ADGRV1: variants seen among roughly 807,000 people sequenced by gnomAD.
ADGRV1 encodes the protein G-protein coupled receptor 98.
In ADGRV1, 359 loss-of-function variants were observed where a neutral mutation model predicts 596.2. That is an observed-to-expected ratio of 0.60 (90% confidence interval 0.55 to 0.66). The LOEUF (loss-of-function observed/expected upper bound fraction) is 0.66. Ranked by LOEUF, ADGRV1 falls within the 30% of genes least tolerant of loss-of-function variation. The probability of loss-of-function intolerance (pLI) is 0.00; values close to 1 mark genes in which losing one functional copy is unlikely to be tolerated. For synonymous variants in ADGRV1, 2,681 were observed against 2,679.2 expected (o/e 1.00, Z -0.02); for missense variants, 7,274 against 7,575.6 (o/e 0.96, Z 1.48).
chr5:90,906,255 A>G (rs1478290416), intron 83 of ADGRV1, among the ~76,000 whole-genome samples: 1 of 152,008 alleles, frequency 6.6e-6, no homozygotes, highest in African/African-American at 2.4e-5. Context: ...ATGAGTTTGG[A>G]AGTATTCCCT....
chr5:91,163,963 C>T lies in ADGRV1; in HGVS notation c.*63C>T. 1.3e-6 allele frequency: 1 copy of T among 784,802 alleles called. No homozygotes were observed. Among genetic ancestry groups the T allele is most frequent in the Non-Finnish European group, 2.2e-6 (1 of 447,630 alleles). 48.6% of individuals were successfully genotyped at this position (784,802 alleles called of 1,614,324 possible). A position where few individuals can be genotyped will look rare whatever the true frequency, so the allele number is the denominator to read the frequency against. On this transcript the variant is annotated 3_prime_UTR_variant, in exon 90 of 90. Coordinates refer to ENST00000405460, the MANE Select transcript of ADGRV1 (RefSeq NM_032119.4). ...TTGTATCAGCTTTTGTGCTAAAACT[C>T]TCTAAGTACATCCACCTGTGTAATA...
At chr5:90,737,008 T>G (rs1753322315) in intron 50 of ADGRV1, among the ~76,000 whole-genome samples, 1 of 151,862 alleles carries the variant, frequency 6.6e-6, no homozygotes, top group South Asian at 2.1e-4. Context: ...TTGGGCTTAG[T>G]TTGTTCTTTT....
chr5:90,950,505 A>G (rs960428645), intron 83 of ADGRV1, among the ~76,000 whole-genome samples: 1 of 152,090 alleles, frequency 6.6e-6, no homozygotes, highest in Non-Finnish European at 1.5e-5. Flanking sequence ...TATTTTGAGT[A>G]GAGACAGGAT....
intron 1 of ADGRV1, among the ~76,000 whole-genome samples, chr5:90,572,153 C>T (rs1756609365): frequency 6.6e-6 from 1 of 152,016 alleles, no homozygotes; most frequent in Non-Finnish European, 1.5e-5. Context: ...GAAGACTATT[C>T]TGTTGGTAAT....
At position 90,592,113 on chromosome 5, in the gene ADGRV1, G is replaced by A. The variant is rs117997199; in HGVS notation, c.23-22722G>A. On this transcript the variant is annotated intron_variant, in intron 1 of 89. Transcript: ENST00000405460. ...ATTTGATCCAGCAGTCCCACTCCTGGGTATCAACCCAGAGGAAAAGAAGTC... is the reference window on the plus strand; with the variant it reads ...ATTTGATCCAGCAGTCCCACTCCTGAGTATCAACCCAGAGGAAAAGAAGTC... Among the ~76,000 whole-genome samples the A allele has an allele frequency of 2.6e-3, 393 of 152,292 alleles. 16 individuals are homozygous for A. In the East Asian group the frequency reaches 0.065, roughly 25 times the overall value.
At chr5:90,909,091 A>G (rs1285075915) in intron 83 of ADGRV1, among the ~76,000 whole-genome samples, 2 of 152,132 alleles carry the variant, frequency 1.3e-5, no homozygotes, top group Non-Finnish European at 2.9e-5. Flanking sequence ...TTCTCTGGAC[A>G]GTGTTCTTTG....
intron 87 of ADGRV1, 60 bp downstream of exon 87, chr5:91,102,400 G>A: frequency 7.0e-7 from 1 of 1,434,658 alleles, no homozygotes; most frequent in African/African-American, 1.4e-5. Flanking sequence ...ACAAGGCATA[G>A]AATTTCAATA....
chr5:90,679,406 A>T, intron 25 of ADGRV1, 143 bp from the exon 26 acceptor site: 1 of 539,182 alleles, frequency 1.9e-6, no homozygotes, highest in Admixed American at 3.4e-5. Context: ...ATTTAAAATG[A>T]TCCATTTCTT....
chr5:90,823,359 A>G (rs1763771719), intron 75 of ADGRV1, 66 bp from the exon 76 acceptor site: 2 of 1,488,180 alleles, frequency 1.3e-6, no homozygotes, highest in South Asian at 1.2e-5. Flanking sequence ...ATTATTTGAT[A>G]ATAAACTCTA....
chr5:91,034,098 T>C (rs1452625096), intron 85 of ADGRV1, among the ~76,000 whole-genome samples: 1 of 152,160 alleles, frequency 6.6e-6, no homozygotes, highest in Non-Finnish European at 1.5e-5. Context: ...AGATACTAAA[T>C]TTTAAAAAAT....
intron 85 of ADGRV1, among the ~76,000 whole-genome samples, chr5:90,995,777 C>T (rs1343191116): frequency 2.6e-5 from 4 of 152,128 alleles, no homozygotes; most frequent in Non-Finnish European, 5.9e-5. Flanking sequence ...CTGAGGTGGC[C>T]TCAGATGGAG....
At chr5:90,820,581 T>G (rs2150282228) in intron 75 of ADGRV1, among the ~76,000 whole-genome samples, 1 of 152,062 alleles carries the variant, frequency 6.6e-6, no homozygotes, top group African/African-American at 2.4e-5. Context: ...GTTTAGTGCT[T>G]GCTTCAGGAG....
intron 1 of ADGRV1, among the ~76,000 whole-genome samples, chr5:90,564,417 CTTAGA>C (rs749356063): frequency 5.3e-5 from 8 of 151,972 alleles, no homozygotes; most frequent in African/African-American, 1.2e-4. Context: ...CTGGGACTAG[CTTAGA>C]TTAAAGGTGC....
In ADGRV1 at chr5:90,694,352, A is replaced by T. The variant is rs1449582072; in HGVS notation, c.7596A>T (p.Pro2532=). The T allele has an allele frequency of 6.2e-7, 1 of 1,614,010 alleles. No homozygotes were observed. The highest frequency in any genetic ancestry group is 2.2e-5 in the East Asian group (1 of 44,882). Residue 2532 remains proline, a synonymous_variant, in exon 33 of 90, where the codon CCA becomes CCT. Coordinates refer to ENST00000405460, the MANE Select transcript of ADGRV1 (RefSeq NM_032119.4). ...LTVSILPDDF[P]EMDESFLISL... ...TGTCTATTCTTCCTGATGATTTCCCAGAGATGGATGAGAGTTTTCTAATTT... is the reference window on the plus strand; with the variant it reads ...TGTCTATTCTTCCTGATGATTTCCCTGAGATGGATGAGAGTTTTCTAATTT...
Position 90,653,742 on chromosome 5 carries a change from A to C in ADGRV1, c.4168A>C (p.Asn1390His). ...SIYYGVKIQT[N>H]ESHVTLSLHY... is the part of the protein sequence containing the mutation. ...CTACTACGGGGTAAAAATACAAACA[A>C]ACGAATCCCATGTGACACTTTCCCT... The change falls in exon 20 of 90, where the codon AAC becomes CAC. Residue 1390 changes from asparagine (N) to histidine (H), a missense_variant. By Grantham distance (68) the Asn-to-His change is moderately conservative. This residue lies in a region of ADGRV1 where 1,715 missense variants were observed against 1,708.8 expected (regional missense o/e 1.00). Coordinates refer to ENST00000405460, the MANE Select transcript of ADGRV1 (RefSeq NM_032119.4). 3.7e-6 allele frequency: 6 copies of C among 1,612,980 alleles called. No homozygotes were observed. The highest frequency in any genetic ancestry group is 5.1e-6 in the Non-Finnish European group (6 of 1,179,452).
At chr5:90,682,815 A>C (rs1000469309) in intron 27 of ADGRV1, among the ~76,000 whole-genome samples, 6 of 152,162 alleles carry the variant, frequency 3.9e-5, no homozygotes, top group Non-Finnish European at 7.3e-5. Context: ...TACTTGGAGA[A>C]ATTTTTAAAC....
At chr5:90,934,579 A>G (rs536450006) in intron 83 of ADGRV1, among the ~76,000 whole-genome samples, 9 of 152,146 alleles carry the variant, frequency 5.9e-5, no homozygotes, top group African/African-American at 1.9e-4. Flanking sequence ...AACCTTGTCC[A>G]TGGGTATCAT....
chr5:90,796,873 A>C (rs1256940559), intron 70 of ADGRV1, among the ~76,000 whole-genome samples: 2 of 152,186 alleles, frequency 1.3e-5, no homozygotes, highest in African/African-American at 4.8e-5. Context: ...AGCCAAACTA[A>C]GCTTCATAAG....
chr5:90,923,974 G>A (rs1178921490), intron 83 of ADGRV1, among the ~76,000 whole-genome samples: 1 of 151,766 alleles, frequency 6.6e-6, no homozygotes, highest in Non-Finnish European at 1.5e-5. Flanking sequence ...CATTTTTTAT[G>A]GCTGCATAGT....
Sources: allele counts gnomAD v4.1 joint callset (sites outside exome capture counted in the v4.1 genomes callset), GRCh38; gene constraint gnomAD v4.1.1; regional missense constraint gnomAD v4.1.1; transcripts MANE v1.5; gene names NCBI Gene and HGNC (gene_info 2026-07-23, HGNC 2026-07-21).